Variants in ARHGAP22 observed in about 807,000 individuals in gnomAD.
ARHGAP22 encodes the protein rho GTPase-activating protein 22.
Under a neutral mutation model 59.1 loss-of-function variants are expected in ARHGAP22, and 48 were observed. The ratio of observed to expected loss-of-function variants is 0.81; its 90% CI spans 0.64 to 1.03. The LOEUF is 1.03. Among genes scored for constraint, ARHGAP22 ranks in the 50% least tolerant of loss-of-function variants. ARHGAP22 has a pLI of 0.00. For synonymous variants in ARHGAP22, 445 were observed against 416.4 expected, an observed-to-expected ratio of 1.07 and a Z score of -0.84; for missense variants, 1,015 against 958.7, an observed-to-expected ratio of 1.06 and a Z score of -0.78.
At position 48,605,037 on chromosome 10, in the gene ARHGAP22, C is replaced by G; in HGVS notation, c.-241G>C. ...CAGAATTAATTCCCATCCAAGCGGA[C>G]CATTAAAGCCTCAGTAATCACTGCT... On this transcript the variant is annotated 5_prime_UTR_variant, in exon 1 of 10. Coordinates refer to ENST00000249601, the MANE Select transcript of ARHGAP22 (RefSeq NM_021226.4). 2.8e-6 allele frequency: 4 copies of G among 1,426,650 alleles called. No individual in the cohort carries two copies. Among genetic ancestry groups the G allele is most frequent in the Non-Finnish European group, 3.7e-6 (4 of 1,092,784 alleles). The allele number at this position is 1,426,650 out of a possible 1,614,324, so 88.4% of individuals were successfully genotyped here.
the ARHGAP22 span, chr10:48,435,221 G>T: frequency 2.2e-6 from 1 of 458,104 alleles, no homozygotes; most frequent in South Asian, 5.4e-5. Context: ...TTTCAAAACA[G>T]CAACAAAACT....
upstream of ARHGAP22, among the ~76,000 whole-genome samples, chr10:48,606,988 A>G (rs376677355): frequency 1.3e-3 from 199 of 152,332 alleles, 1 homozygote; most frequent in African/African-American, 4.7e-3. Context: ...GCCAGGTACA[A>G]GCCCTGGTTG....
At chr10:48,519,106 C>T (rs560989181) in intron 3 of ARHGAP22, among the ~76,000 whole-genome samples, 256 of 152,258 alleles carry the variant, frequency 1.7e-3, no homozygotes, top group African/African-American at 5.8e-3. Flanking sequence ...GGAGCAGAGA[C>T]GGAATGGCAG....
intron 3 of ARHGAP22, among the ~76,000 whole-genome samples, chr10:48,531,831 CGAT>C (rs1462387082): frequency 2.0e-5 from 3 of 152,086 alleles, no homozygotes. Flanking sequence ...GAATGGGACT[CGAT>C]GGTGAATAAG....
intron 1 of ARHGAP22, among the ~76,000 whole-genome samples, chr10:48,592,348 A>G (rs967512774): frequency 2.6e-5 from 4 of 152,100 alleles, no homozygotes; most frequent in African/African-American, 9.7e-5. Context: ...GGCTTCCCCA[A>G]CATCCGTCCC....
chr10:48,542,939 GC>G (rs1300310188), intron 3 of ARHGAP22, among the ~76,000 whole-genome samples: 1 of 152,188 alleles, frequency 6.6e-6, no homozygotes, highest in African/African-American at 2.4e-5. Context: ...GGGAGGCTGA[GC>G]CCAGGAGTCA....
intron 3 of ARHGAP22, among the ~76,000 whole-genome samples, chr10:48,516,784 C>T (rs1281825669): frequency 6.6e-6 from 1 of 152,150 alleles, no homozygotes; most frequent in Non-Finnish European, 1.5e-5. Flanking sequence ...AAAACCAAGA[C>T]ATCACAAGAA....
At chr10:48,475,058 G>T (rs2048584066) in intron 4 of ARHGAP22, among the ~76,000 whole-genome samples, 1 of 152,142 alleles carries the variant, frequency 6.6e-6, no homozygotes, top group Non-Finnish European at 1.5e-5. Flanking sequence ...CTTTTTGAAA[G>T]AGTTGGCTAT....
At chr10:48,649,920 C>T (rs903584132) in intron 1 of ARHGAP22, among the ~76,000 whole-genome samples, 4 of 147,882 alleles carry the variant, frequency 2.7e-5, no homozygotes, top group Non-Finnish European at 4.5e-5. Flanking sequence ...GCCCTCAATC[C>T]TTGAAAATGA....
intron 1 of ARHGAP22, among the ~76,000 whole-genome samples, chr10:48,610,408 T>C (rs1171535076): frequency 1.3e-5 from 2 of 152,092 alleles, no homozygotes; most frequent in East Asian, 1.9e-4. Flanking sequence ...TTGGGCATGA[T>C]TTCTAGAGTC....
At chr10:48,627,683 T>C (rs565479477) in intron 1 of ARHGAP22, among the ~76,000 whole-genome samples, 1 of 152,352 alleles carries the variant, frequency 6.6e-6, no homozygotes, top group Admixed American at 6.5e-5. Flanking sequence ...GGTCAAGTTT[T>C]AGTTTCGAAT....
intron 3 of ARHGAP22, among the ~76,000 whole-genome samples, chr10:48,546,121 G>C (rs538154782): frequency 6.6e-6 from 1 of 152,176 alleles, no homozygotes; most frequent in Admixed American, 6.5e-5. Context: ...GTAAATGCAC[G>C]AAAGACTCAG....
chr10:48,504,496 G>C (rs559555036), intron 3 of ARHGAP22, among the ~76,000 whole-genome samples: 1 of 152,318 alleles, frequency 6.6e-6, no homozygotes, highest in East Asian at 1.9e-4. Flanking sequence ...TAACAGAAAT[G>C]GGGTGGGTCA....
chr10:48,637,636 AGATG>A (rs952333939), intron 1 of ARHGAP22, among the ~76,000 whole-genome samples: 4 of 151,804 alleles, frequency 2.6e-5, no homozygotes, highest in African/African-American at 4.8e-5. Flanking sequence ...ATGGGTGAAT[AGATG>A]GATGGATAGA....
intron 1 of ARHGAP22, among the ~76,000 whole-genome samples, chr10:48,597,179 G>A (rs2060119708): frequency 6.6e-6 from 1 of 152,130 alleles, no homozygotes; most frequent in African/African-American, 2.4e-5. Flanking sequence ...TGTGTCTCAT[G>A]TCTGCGAATG....
chr10:48,594,260 T>C (rs2059935542), intron 1 of ARHGAP22, among the ~76,000 whole-genome samples: 1 of 152,190 alleles, frequency 6.6e-6, no homozygotes, highest in South Asian at 2.1e-4. Context: ...GGACCAAGCC[T>C]ATCTGTGGTC....
intron 3 of ARHGAP22, among the ~76,000 whole-genome samples, chr10:48,502,082 T>C (rs1472665057): frequency 6.6e-6 from 1 of 152,252 alleles, no homozygotes; most frequent in Non-Finnish European, 1.5e-5. Context: ...GCCAGCCCTG[T>C]GTTTTGAGTA....
intron 1 of ARHGAP22, among the ~76,000 whole-genome samples, chr10:48,602,619 T>G (rs1042100995): frequency 2.6e-5 from 4 of 152,144 alleles, no homozygotes; most frequent in Non-Finnish European, 5.9e-5. Context: ...TTCTCCTCTA[T>G]CCAGCTATTC....
intron 2 of ARHGAP22, among the ~76,000 whole-genome samples, chr10:48,573,616 C>T (rs1316677201): frequency 6.6e-6 from 1 of 152,174 alleles, no homozygotes; most frequent in Non-Finnish European, 1.5e-5. Flanking sequence ...TATTAGATGC[C>T]TTCGCATGCT....
Sources: allele counts gnomAD v4.1 joint callset (sites outside exome capture counted in the v4.1 genomes callset), GRCh38; gene constraint gnomAD v4.1.1; transcripts MANE v1.5; gene names NCBI Gene and HGNC (gene_info 2026-07-23, HGNC 2026-07-21).